Variants in GPC6 observed in about 807,000 individuals in gnomAD.
GPC6 encodes the protein glypican 6.
A neutral mutation model predicts 55.2 loss-of-function variants in GPC6; 14 were observed. The ratio of observed to expected loss-of-function variants is 0.25; its 90% CI spans 0.17 to 0.40. The LOEUF is 0.40. GPC6 is among the 10% of genes least tolerant of loss of function. The pLI, the probability that GPC6 is intolerant of heterozygous loss-of-function variation, is 1.00. For synonymous variants in GPC6, 278 were observed against 259.6 expected (o/e 1.07, Z -0.68); for missense variants, 641 against 708.5 (o/e 0.90, Z 1.08).
At position 93,760,348 on chromosome 13, in the gene GPC6, C is replaced by T. The variant is rs984669799; in HGVS notation, c.320-69806C>T. On this transcript the variant is annotated intron_variant, in intron 2 of 8. Coordinates refer to ENST00000377047, the MANE Select transcript of GPC6 (RefSeq NM_005708.5). ...TTAGGGATTTTAAGAGTTAATTACA[C>T]CCTGAGCACACCTAGAGACAGCAAG... is the stretch of plus-strand genomic sequence containing the variant. Among the ~76,000 whole-genome samples the T allele has an allele frequency of 3.9e-5, 6 of 152,168 alleles. No individual in the cohort carries two copies. In the East Asian group the frequency reaches 1.2e-3, roughly 29 times the overall value.
intron 6 of GPC6, among the ~76,000 whole-genome samples, chr13:94,321,747 CA>C (rs1223250763): frequency 1.3e-5 from 2 of 152,162 alleles, no homozygotes; most frequent in African/African-American, 4.8e-5. Context: ...TTCCAGTCCA[CA>C]AAGGCAATAG....
chr13:93,575,060 G>A (rs867939351), intron 2 of GPC6, among the ~76,000 whole-genome samples: 1 of 152,220 alleles, frequency 6.6e-6, no homozygotes, highest in African/African-American at 2.4e-5. Flanking sequence ...TTGGGAGGCC[G>A]AGGCGGGTGG....
intron 4 of GPC6, among the ~76,000 whole-genome samples, chr13:94,228,511 G>C (rs1277618176): frequency 6.6e-6 from 1 of 151,982 alleles, no homozygotes; most frequent in Non-Finnish European, 1.5e-5. Context: ...CTTTACATGA[G>C]ATTTTTTTTT....
intron 1 of GPC6, among the ~76,000 whole-genome samples, chr13:93,544,175 A>G (rs1371584865): frequency 6.6e-6 from 1 of 152,166 alleles, no homozygotes; most frequent in African/African-American, 2.4e-5. Flanking sequence ...AAACAGCAAA[A>G]GACCTAACGT....
At chr13:93,606,489 T>C (rs1486907947) in intron 2 of GPC6, among the ~76,000 whole-genome samples, 1 of 152,188 alleles carries the variant, frequency 6.6e-6, no homozygotes, top group African/African-American at 2.4e-5. Flanking sequence ...GTATTCTTGT[T>C]TGGACAAGAA....
chr13:93,622,609 T>C (rs1879006654), intron 2 of GPC6, among the ~76,000 whole-genome samples: 1 of 152,138 alleles, frequency 6.6e-6, no homozygotes, highest in Non-Finnish European at 1.5e-5. Context: ...TATTTATTTA[T>C]TTTTAGTTTT....
intron 3 of GPC6, among the ~76,000 whole-genome samples, chr13:93,918,604 T>C (rs974862033): frequency 3.9e-5 from 6 of 152,204 alleles, no homozygotes; most frequent in Non-Finnish European, 8.8e-5. Flanking sequence ...ACTCATCTCA[T>C]ACACATCCAT....
intron 2 of GPC6, among the ~76,000 whole-genome samples, chr13:93,651,694 A>C: frequency 6.6e-6 from 1 of 152,236 alleles, no homozygotes; most frequent in Admixed American, 6.5e-5. Context: ...GGTGAGGAGG[A>C]AGCCTGGGTC....
chr13:94,345,604 G>T (rs781527213), intron 6 of GPC6, among the ~76,000 whole-genome samples: 4 of 152,104 alleles, frequency 2.6e-5, no homozygotes, highest in Non-Finnish European at 5.9e-5. Flanking sequence ...TGAAAAACAC[G>T]TGGGTCTAAG....
At chr13:93,563,202 A>G (rs1875902241) in intron 2 of GPC6, among the ~76,000 whole-genome samples, 1 of 152,144 alleles carries the variant, frequency 6.6e-6, no homozygotes, top group Admixed American at 6.5e-5. Context: ...GATCCACTTA[A>G]TTATGAAAAA....
intron 3 of GPC6, among the ~76,000 whole-genome samples, chr13:93,928,910 G>T (rs931159434): frequency 1.9e-5 from 2 of 104,128 alleles, no homozygotes; most frequent in Admixed American, 2.2e-4. Context: ...TAGTAGGTGT[G>T]TGTGTGTACA....
chr13:93,401,994 G>A (rs1161987982), intron 1 of GPC6, among the ~76,000 whole-genome samples: 14 of 152,046 alleles, frequency 9.2e-5, no homozygotes. Flanking sequence ...CTTTGAGAAA[G>A]GCGAGCATTA....
chr13:93,326,657 A>G (rs1248414882), intron 1 of GPC6, among the ~76,000 whole-genome samples: 1 of 152,190 alleles, frequency 6.6e-6, no homozygotes, highest in Admixed American at 6.5e-5. Flanking sequence ...TACAGAACAT[A>G]TTTTGTTGAC....
At chr13:93,919,206 T>C (rs1040530618) in intron 3 of GPC6, among the ~76,000 whole-genome samples, 2 of 152,198 alleles carry the variant, frequency 1.3e-5, no homozygotes, top group Non-Finnish European at 2.9e-5. Context: ...GTGCCATGTC[T>C]GTGCAGCCTG....
chr13:94,349,683 C>T (rs2139166554), intron 6 of GPC6, among the ~76,000 whole-genome samples: 1 of 152,302 alleles, frequency 6.6e-6, no homozygotes, highest in East Asian at 1.9e-4. Flanking sequence ...GAAGTCCTCT[C>T]CTAATTCTCC....
chr13:93,525,000 A>C (rs1881593247), intron 1 of GPC6, among the ~76,000 whole-genome samples: 1 of 152,116 alleles, frequency 6.6e-6, no homozygotes, highest in South Asian at 2.1e-4. Context: ...GACCTTCTTC[A>C]TAGTAAAATC....
chr13:93,916,200 C>T (rs969351517), intron 3 of GPC6, among the ~76,000 whole-genome samples: 1 of 152,116 alleles, frequency 6.6e-6, no homozygotes, highest in Non-Finnish European at 1.5e-5. Context: ...ATTCCTCAGT[C>T]GCCTTGCTTC....
At chr13:93,234,687 TGAGA>T (rs10615675) in intron 1 of GPC6, among the ~76,000 whole-genome samples, 151 of 148,728 alleles carry the variant, frequency 1.0e-3, no homozygotes, top group African/African-American at 1.9e-3. Flanking sequence ...TGTGTGTGTG[TGAGA>T]GAGAGAGAGA....
At chr13:93,390,486 TA>T (rs1875581663) in intron 1 of GPC6, among the ~76,000 whole-genome samples, 1 of 152,158 alleles carries the variant, frequency 6.6e-6, no homozygotes, top group South Asian at 2.1e-4. Context: ...AAGTAGCTTC[TA>T]AGACTCAAAA....
Sources: gnomAD v4.1 joint callset for allele counts (sites outside exome capture counted in the v4.1 genomes callset) on GRCh38, gnomAD v4.1.1 for gene constraint, MANE v1.5 for transcripts, NCBI Gene and HGNC (gene_info 2026-07-23, HGNC 2026-07-21) for gene names.